The following UGT1A8 variants were observed in gnomAD, a reference collection of about 807,000 sequenced individuals.
UGT1A8 encodes UDP glucuronosyltransferase family 1 member A8.
Under a neutral mutation model 45.3 loss-of-function variants are expected in UGT1A8, and 39 were observed. The ratio of observed to expected loss-of-function variants is 0.86; its 90% confidence interval spans 0.67 to 1.12. The LOEUF (loss-of-function observed/expected upper bound fraction) is 1.12, where lower values mean the gene tolerates loss of function less well. Among genes scored for constraint, UGT1A8 ranks in the 50% most tolerant of loss-of-function variants. The pLI, the probability that UGT1A8 is intolerant of heterozygous loss-of-function variation, is 0.00. For synonymous variants in UGT1A8, 275 were observed against 249.2 expected, an observed-to-expected ratio of 1.10 and a Z score of -0.97; for missense variants, 719 against 664.9, an observed-to-expected ratio of 1.08 and a Z score of -0.90.
At chr2:233,722,528 A>G (rs2077020073) in intron 1 of UGT1A8, among the ~76,000 whole-genome samples, 1 of 152,150 alleles carries the variant, frequency 6.6e-6, no homozygotes, top group African/African-American at 2.4e-5. Context: ...TTTTGCCTTA[A>G]TGATTTCATC....
intron 1 of UGT1A8, among the ~76,000 whole-genome samples, chr2:233,639,352 C>T (rs991435334): frequency 1.6e-4 from 25 of 152,244 alleles, no homozygotes; most frequent in African/African-American, 4.8e-4. Context: ...CAGAGGAATT[C>T]GATCTCAAAG....
intron 1 of UGT1A8, among the ~76,000 whole-genome samples, chr2:233,746,352 C>T (rs540725782): frequency 6.6e-6 from 1 of 151,844 alleles, no homozygotes; most frequent in African/African-American, 2.4e-5. Flanking sequence ...TTATGTTGCT[C>T]CTTTAGTAAC....
At chr2:233,729,130 G>T (rs1021127658) in intron 1 of UGT1A8, 3 of 1,613,064 alleles carry the variant, frequency 1.9e-6, no homozygotes, top group Admixed American at 3.3e-5. Context: ...TGCTGAGATG[G>T]CCACAGGACT....
intron 1 of UGT1A8, chr2:233,693,923 A>T (rs1415747588): frequency 1.6e-5 from 26 of 1,609,250 alleles, no homozygotes; most frequent in Non-Finnish European, 2.2e-5. Flanking sequence ...GTCCTCCCTC[A>T]CTCATTTGGC....
At position 233,772,459 on chromosome 2, in the gene UGT1A8, C is replaced by G. The variant is rs1268705566; in HGVS notation, c.1493C>G (p.Thr498Arg). The change falls in exon 5 of 5, where the codon ACA becomes AGA. Residue 498 changes from threonine to arginine, a missense_variant. Coordinates refer to ENST00000373450, the MANE Select transcript of UGT1A8 (RefSeq NM_019076.5). ...VIGFLLAVVL[T>R]VAFITFKCCA... is the part of the protein sequence containing the mutation. Reference sequence around the variant, plus strand: ...GGTTTCCTCTTGGCCGTCGTGCTGACAGTGGCCTTCATCACCTTTAAATGT... The same window carrying G: ...GGTTTCCTCTTGGCCGTCGTGCTGAGAGTGGCCTTCATCACCTTTAAATGT... 5 of 1,614,074 alleles carry G rather than the reference C, an allele frequency of 3.1e-6. No individual in the cohort carries two copies. In the Admixed American group the frequency reaches 8.3e-5, roughly 27 times the overall value.
At position 233,672,979 on chromosome 2, in the gene UGT1A8, T is replaced by C. The variant is rs1035878660; in HGVS notation, c.855+54417T>C. 2.0e-5 allele frequency among the ~76,000 whole-genome samples: 3 copies of C among 152,232 alleles called. No homozygotes were observed. The East Asian group carries it at 5.8e-4, about 29-fold the overall frequency. On this transcript the variant is annotated intron_variant, in intron 1 of 4. Transcript: ENST00000373450. ...TTTATAAAACTGCCCTTCTTGAAGA[T>C]ATGTATTTATAACTTATAAAATTGT...
chr2:233,767,812 T>G, intron 2 of UGT1A8, 37 bp from the exon 3 acceptor site: 9 of 1,614,150 alleles, frequency 5.6e-6, no homozygotes, highest in Non-Finnish European at 7.6e-6. Flanking sequence ...TCATATTATG[T>G]TCTTTCTTTA....
Position 233,672,614 on chromosome 2 carries a change from C to T in UGT1A8, c.855+54052C>T, listed in dbSNP as rs1257709342. The T allele has an allele frequency of 1.9e-6, 3 of 1,613,722 alleles. No homozygotes were observed. The highest frequency in any genetic ancestry group is 4.5e-5 in the East Asian group (2 of 44,870). On this transcript the variant is annotated intron_variant, in intron 1 of 4. Transcript: ENST00000373450. ...TTATGCCACCGTTTTTTCAAAAATGCCCTAGAAATAGCCTCTGAAATTCTC... is the reference window on the plus strand; with the variant it reads ...TTATGCCACCGTTTTTTCAAAAATGTCCTAGAAATAGCCTCTGAAATTCTC...
At chr2:233,624,669 C>G (rs2073062979) in intron 1 of UGT1A8, among the ~76,000 whole-genome samples, 1 of 151,924 alleles carries the variant, frequency 6.6e-6, no homozygotes, top group Admixed American at 6.6e-5. Context: ...TATTGTAGGT[C>G]TGCTACATTA....
intron 1 of UGT1A8, among the ~76,000 whole-genome samples, chr2:233,724,596 C>G (rs202203863): frequency 0.33 from 37,419 of 112,546 alleles, 7,358 homozygotes; most frequent in African/African-American, 0.51. Context: ...ACATCTCAGA[C>G]GATGGGCGGC....
chr2:233,683,204 T>C (rs1391905237), intron 1 of UGT1A8, among the ~76,000 whole-genome samples: 2 of 152,198 alleles, frequency 1.3e-5, no homozygotes, highest in Admixed American at 1.3e-4. Flanking sequence ...AAATTGTCAC[T>C]TCTATTTTAT....
At chr2:233,630,656 A>G (rs892846962) in intron 1 of UGT1A8, among the ~76,000 whole-genome samples, 1 of 152,116 alleles carries the variant, frequency 6.6e-6, no homozygotes, top group African/African-American at 2.4e-5. Context: ...AAGGTGATGG[A>G]GAGCTGGCAT....
chr2:233,731,447 C>A (rs113893267), intron 1 of UGT1A8, among the ~76,000 whole-genome samples: 5,926 of 152,214 alleles, frequency 0.039, 357 homozygotes, highest in African/African-American at 0.13. Flanking sequence ...TCCCCCACCC[C>A]ACAACAGGCC....
intron 1 of UGT1A8, among the ~76,000 whole-genome samples, chr2:233,649,566 G>A (rs13431913): frequency 0.026 from 3,931 of 152,218 alleles, 165 homozygotes; most frequent in African/African-American, 0.089. Flanking sequence ...TGGACATGTT[G>A]TTCTTTACTA....
chr2:233,713,202 GA>G, intron 1 of UGT1A8: 1 of 1,614,240 alleles, frequency 6.2e-7, no homozygotes, highest in Non-Finnish European at 8.5e-7. Context: ...GTACATCAAA[GA>G]AGAGAACTTT....
chr2:233,760,189 G>A lies in UGT1A8; in HGVS notation c.856-6845G>A, dbSNP rs774584406. On this transcript the variant is annotated intron_variant, in intron 1 of 4. Transcript: ENST00000373450. ...TGGACTGACAGCTTTTTATAGTCACGTGACACAGTCAAACATTAACTTGGT... is the reference window on the plus strand; with the variant it reads ...TGGACTGACAGCTTTTTATAGTCACATGACACAGTCAAACATTAACTTGGT... 2.2e-5 allele frequency: 35 copies of A among 1,566,148 alleles called. No individual in the cohort carries two copies. In the South Asian group the frequency reaches 3.1e-4, roughly 14 times the overall value.
chr2:233,745,338 A>T lies in UGT1A8; in HGVS notation c.856-21696A>T, dbSNP rs565612187. Among the ~76,000 whole-genome samples, 7 of 151,968 alleles carry T rather than the reference A, an allele frequency of 4.6e-5. No individual in the cohort carries two copies. The East Asian group carries it at 1.2e-3, about 25-fold the overall frequency. ...CCACTAGAACTGCTATATCATGACC[A>T]TGAATTTTGGGGGAATTTTTTTGAG... On this transcript the variant is annotated intron_variant, in intron 1 of 4. Transcript: ENST00000373450.
In UGT1A8 at chr2:233,618,069, T is replaced by G. The variant is rs1438201036; in HGVS notation, c.362T>G (p.Phe121Cys). ...SSSNGFFNLF[F>C]SHCRSLFNDR... ...TCCAATGGTTTTTTTAACTTATTTT[T>G]TTCGCATTGCAGGAGTTTGTTTAAT... is the stretch of plus-strand genomic sequence containing the variant. Residue 121 changes from phenylalanine (F) to cysteine (C), a missense_variant, in exon 1 of 5, where the codon TTT becomes TGT. Coordinates refer to ENST00000373450, the MANE Select transcript of UGT1A8 (RefSeq NM_019076.5). The G allele has an allele frequency of 5.6e-6, 9 of 1,613,872 alleles. No homozygotes were observed. Among genetic ancestry groups the G allele is most frequent in the Non-Finnish European group, 6.8e-6 (8 of 1,180,004 alleles).
intron 1 of UGT1A8, chr2:233,729,851 A>C: frequency 6.2e-7 from 1 of 1,613,640 alleles, no homozygotes; most frequent in African/African-American, 1.3e-5. Context: ...TTTCAGAGAG[A>C]GGTGTCAGTG....
Sources: allele counts gnomAD v4.1 joint callset (sites outside exome capture counted in the v4.1 genomes callset), GRCh38; gene constraint gnomAD v4.1.1; transcripts MANE v1.5; gene names NCBI Gene and HGNC (gene_info 2026-07-23, HGNC 2026-07-21).